The following RBFOX1 variants were observed in gnomAD, a reference collection of about 807,000 sequenced individuals.
The protein encoded by RBFOX1 is RNA binding protein fox-1 homolog 1.
RBFOX1 carries 8 observed loss-of-function variants against 57.7 expected under a neutral mutation model. That is an observed-to-expected ratio of 0.14 (90% CI 0.08 to 0.25). RBFOX1 has a LOEUF of 0.25. Among genes scored for constraint, RBFOX1 ranks in the 10% least tolerant of loss-of-function variants. RBFOX1 has a pLI of 1.00. For missense variants in RBFOX1, 611 were observed against 548.5 expected, an observed-to-expected ratio of 1.11 and a Z score of -1.14; for synonymous variants, 326 against 222.4, an observed-to-expected ratio of 1.47 and a Z score of -4.15.
chr16:6,272,210 T>C (rs1037044650), intron 1 of RBFOX1, among the ~76,000 whole-genome samples: 1 of 152,190 alleles, frequency 6.6e-6, no homozygotes, highest in Non-Finnish European at 1.5e-5. Flanking sequence ...CCGAATCTTA[T>C]CAATCTATGT....
At chr16:7,062,730 C>G (rs994490987) in intron 4 of RBFOX1, among the ~76,000 whole-genome samples, 42 of 151,878 alleles carry the variant, frequency 2.8e-4, no homozygotes, top group African/African-American at 9.7e-4. Flanking sequence ...TGATTGAAAA[C>G]CTGGAGTTCA....
At chr16:6,928,664 G>C (rs2076030975) in intron 3 of RBFOX1, among the ~76,000 whole-genome samples, 2 of 152,146 alleles carry the variant, frequency 1.3e-5, no homozygotes, top group South Asian at 2.1e-4. Flanking sequence ...TTCAAAAGTA[G>C]CCCTCAAATT....
chr16:6,294,122 C>T (rs1257561664), intron 1 of RBFOX1, among the ~76,000 whole-genome samples: 1 of 152,006 alleles, frequency 6.6e-6, no homozygotes, highest in African/African-American at 2.4e-5. Flanking sequence ...TTCCAGGCTG[C>T]AGTGAGCTAT....
intron 3 of RBFOX1, among the ~76,000 whole-genome samples, chr16:6,945,894 A>G (rs1242764372): frequency 2.0e-5 from 3 of 152,164 alleles, no homozygotes; most frequent in Admixed American, 2.0e-4. Context: ...CTCGTCCCCC[A>G]CAAAAAAGGA....
intron 4 of RBFOX1, among the ~76,000 whole-genome samples, chr16:7,495,757 C>A (rs1195378983): frequency 6.6e-6 from 1 of 152,194 alleles, no homozygotes; most frequent in African/African-American, 2.4e-5. Flanking sequence ...GTACAGTACA[C>A]ACTGCTTGGG....
chr16:5,665,563 A>G (rs1413597415), intron 3 of RBFOX1, among the ~76,000 whole-genome samples: 2 of 152,236 alleles, frequency 1.3e-5, no homozygotes, highest in Non-Finnish European at 2.9e-5. Flanking sequence ...AGCTAGTGCC[A>G]CAGGGGCAGG....
chr16:7,605,376 C>G (rs901151190), intron 9 of RBFOX1, among the ~76,000 whole-genome samples: 1 of 152,112 alleles, frequency 6.6e-6, no homozygotes, highest in African/African-American at 2.4e-5. Context: ...TTTCATGTTT[C>G]TTTCTGTCAC....
chr16:7,494,909 C>G (rs1228202757), intron 4 of RBFOX1, among the ~76,000 whole-genome samples: 1 of 138,884 alleles, frequency 7.2e-6, no homozygotes, highest in East Asian at 2.1e-4. Flanking sequence ...AGGATTGTTA[C>G]ATGGGTATAT....
intron 12 of RBFOX1, 135 bp from the exon 13 acceptor site, chr16:7,664,794 C>T: frequency 6.5e-7 from 1 of 1,535,416 alleles, no homozygotes; most frequent in South Asian, 1.2e-5. Flanking sequence ...CCTCCTTAAT[C>T]CAATGTGAAA....
intron 10 of RBFOX1, among the ~76,000 whole-genome samples, chr16:7,623,322 C>T (rs999916465): frequency 1.3e-5 from 2 of 152,070 alleles, no homozygotes; most frequent in Admixed American, 6.5e-5. Context: ...ATTATTATTA[C>T]ATTGTAATAT....
chr16:6,979,331 G>T (rs1156240191), intron 3 of RBFOX1, among the ~76,000 whole-genome samples: 1 of 152,116 alleles, frequency 6.6e-6, no homozygotes, highest in Non-Finnish European at 1.5e-5. Context: ...TCAGTTGAGG[G>T]TAGCTATTAG....
chr16:6,846,922 A>C (rs920368029), intron 3 of RBFOX1, among the ~76,000 whole-genome samples: 1 of 149,430 alleles, frequency 6.7e-6, no homozygotes, highest in African/African-American at 2.4e-5. Context: ...CTAGGAAACA[A>C]AAAAAAAAAG....
At chr16:5,908,109 T>TACACATATATACACATATATATAC (rs2058509870) in intron 4 of RBFOX1, among the ~76,000 whole-genome samples, 3 of 139,334 alleles carry the variant, frequency 2.2e-5, no homozygotes, top group Admixed American at 2.1e-4. Flanking sequence ...CATATATATA[T>TACACATATATACACATATATATAC]ACACATATAT....
chr16:6,009,343 T>C (rs1385332018), intron 4 of RBFOX1, among the ~76,000 whole-genome samples: 4 of 152,198 alleles, frequency 2.6e-5, no homozygotes, highest in Non-Finnish European at 5.9e-5. Context: ...AGGGCTTTGA[T>C]ACAAAGAAGC....
intron 3 of RBFOX1, among the ~76,000 whole-genome samples, chr16:6,880,726 A>G (rs567295785): frequency 6.6e-6 from 1 of 152,350 alleles, no homozygotes; most frequent in East Asian, 1.9e-4. Flanking sequence ...TTCTTGGACG[A>G]TGATTATTTT....
Position 6,272,807 on chromosome 16 carries a change from C to G in RBFOX1, c.-126-44188C>G, listed in dbSNP as rs2075345020. ...ATAAGTATGTCCAACTGATTTTTGACAAAGGTGAAAAGGCAATTCAATAGA... is the reference window on the plus strand; with the variant it reads ...ATAAGTATGTCCAACTGATTTTTGAGAAAGGTGAAAAGGCAATTCAATAGA... On this transcript the variant is annotated intron_variant, in intron 1 of 15. Transcript: ENST00000550418. Among the ~76,000 whole-genome samples, 3 of 151,986 alleles carry G rather than the reference C, an allele frequency of 2.0e-5. No individual in the cohort carries two copies. In the South Asian group the frequency reaches 6.2e-4, roughly 32 times the overall value.
At chr16:6,879,149 T>G (rs958177952) in intron 3 of RBFOX1, among the ~76,000 whole-genome samples, 1 of 152,198 alleles carries the variant, frequency 6.6e-6, no homozygotes, top group African/African-American at 2.4e-5. Context: ...AGACAAATCA[T>G]TGACAAAACG....
intron 3 of RBFOX1, among the ~76,000 whole-genome samples, chr16:6,921,173 A>T (rs537679579): frequency 6.6e-6 from 1 of 152,282 alleles, no homozygotes; most frequent in South Asian, 2.1e-4. Flanking sequence ...TATTCATCTT[A>T]ACTAAATGCA....
chr16:6,859,130 C>CGTATATATATATGT lies in RBFOX1; in HGVS notation c.-15-192927_-15-192926insGTATATATATATGT, dbSNP rs1238966168. The stretch of plus-strand genomic sequence containing the variant: ...AAAAGTGTATATATATATATATATA[C>CGTATATATATATGT]ATATATATACGTATATATATATGTA... On this transcript the variant is annotated intron_variant, in intron 3 of 15. Transcript: ENST00000550418. Among the ~76,000 whole-genome samples, 98 of 82,406 alleles carry CGTATATATATATGT rather than the reference C, an allele frequency of 1.2e-3. 5 individuals carry two copies. Among genetic ancestry groups the CGTATATATATATGT allele is most frequent in the African/African-American group, 6.4e-3 (94 of 14,766 alleles). 54.1% of individuals were successfully genotyped at this position (82,406 alleles called of 152,430 possible).
Sources: allele counts gnomAD v4.1 joint callset (sites outside exome capture counted in the v4.1 genomes callset), GRCh38; gene constraint gnomAD v4.1.1; transcripts MANE v1.5; gene names NCBI Gene and HGNC (gene_info 2026-07-23, HGNC 2026-07-21).